The following CCDC6 variants were observed in gnomAD, a reference collection of about 807,000 sequenced individuals.
CCDC6 encodes coiled-coil domain containing 6, also known as coiled-coil domain-containing protein 6.
In CCDC6, 20 loss-of-function variants were observed where a neutral mutation model predicts 56.6. The observed-to-expected ratio is 0.35, with a 90% CI of 0.25 to 0.51. The LOEUF (loss-of-function observed/expected upper bound fraction) is 0.51. CCDC6 is among the 20% of genes least tolerant of loss of function. CCDC6 has a pLI of 0.95. For missense variants in CCDC6, 367 were observed against 601.1 expected, an observed-to-expected ratio of 0.61 and a Z score of 4.07; for synonymous variants, 241 against 234.4, an observed-to-expected ratio of 1.03 and a Z score of -0.26.
chr10:59,906,283 C>T lies in CCDC6; in HGVS notation c.142G>A (p.Gly48Ser), dbSNP rs540106812. 77 of 1,608,878 alleles carry T rather than the reference C, an allele frequency of 4.8e-5. 1 individual carries two copies. In the South Asian group the frequency reaches 7.7e-4, roughly 16 times the overall value. Reference sequence around the variant, plus strand: ...AGGCGGAACGGCGAGATGACAATGCCCCCCGACTTCCCACCGCCGCCGCCT... The same window carrying T: ...AGGCGGAACGGCGAGATGACAATGCTCCCCGACTTCCCACCGCCGCCGCCT... ...GGGGGGGKSG[G>S]IVISPFRLEE... Residue 48 changes from glycine (G) to serine (S), a missense_variant, in exon 1 of 9, where the codon GGC becomes AGC. Gly to Ser is a moderately conservative substitution (Grantham distance 56). Transcript: ENST00000263102.
At chr10:59,881,621 A>G (rs1052271998) in intron 1 of CCDC6, among the ~76,000 whole-genome samples, 2 of 152,212 alleles carry the variant, frequency 1.3e-5, no homozygotes, top group African/African-American at 4.8e-5. Flanking sequence ...CCAGAGGAGA[A>G]AAAAAGTCCA....
chr10:59,850,360 C>CATG (rs1554885229), intron 2 of CCDC6, among the ~76,000 whole-genome samples: 2 of 151,528 alleles, frequency 1.3e-5, no homozygotes, highest in African/African-American at 2.4e-5. Flanking sequence ...TAAAATTTAC[C>CATG]ACATTAAAAT....
chr10:59,882,999 G>A (rs1390935682), intron 1 of CCDC6, among the ~76,000 whole-genome samples: 1 of 151,480 alleles, frequency 6.6e-6, no homozygotes, highest in East Asian at 1.9e-4. Flanking sequence ...GGGTGTAAGG[G>A]TGTTTACCGT....
Position 59,794,528 on chromosome 10 carries a change from T to C in CCDC6, c.1175A>G (p.Tyr392Cys), listed in dbSNP as rs1446701181. The part of the protein sequence containing the change: ...PTSLTRAGMS[Y>C]YNSPGLHVQH... ...CACGTGAAGACCCGGGGAATTGTAATAAGACATTCCAGCTCTAGTCAGTGA... is the reference window on the plus strand; with the variant it reads ...CACGTGAAGACCCGGGGAATTGTAACAAGACATTCCAGCTCTAGTCAGTGA... Residue 392 changes from tyrosine to cysteine, a missense_variant, in exon 8 of 9, where the codon TAT becomes TGT. Tyr to Cys is a radical substitution (Grantham distance 194). Coordinates refer to ENST00000263102, the MANE Select transcript of CCDC6 (RefSeq NM_005436.5). The C allele has an allele frequency of 1.2e-6, 2 of 1,613,940 alleles. No individual in the cohort carries two copies. The highest frequency in any genetic ancestry group is 8.5e-7 in the Non-Finnish European group (1 of 1,179,924).
chr10:59,824,261 C>T (rs571537427), intron 3 of CCDC6, among the ~76,000 whole-genome samples: 1 of 152,276 alleles, frequency 6.6e-6, no homozygotes, highest in South Asian at 2.1e-4. Flanking sequence ...TCTATTTTCA[C>T]AGGTCTGGAG....
At chr10:59,881,719 T>C (rs1407850360) in intron 1 of CCDC6, among the ~76,000 whole-genome samples, 1 of 152,218 alleles carries the variant, frequency 6.6e-6, no homozygotes, top group Non-Finnish European at 1.5e-5. Flanking sequence ...ACATCCTGGC[T>C]GCCTAAGCAG....
rs895364091 is a variant in CCDC6 at position 59,906,388 on chromosome 10, C to T, written c.37G>A (p.Ala13Thr). Residue 13 changes from alanine to threonine, a missense_variant, in exon 1 of 9, where the codon GCG becomes ACG. Ala to Thr is a moderately conservative substitution (Grantham distance 58). Transcript: ENST00000263102. ...GCCGAGCTGCTGCTGTTGCCCCCCG[C>T]CCCGTCCGTGTCGCTCTCGCTGGCG... is the stretch of plus-strand genomic sequence containing the variant. ...DSASESDTDG[A>T]GGNSSSSAAM... 1.9e-6 allele frequency: 3 copies of T among 1,585,810 alleles called. No homozygotes were observed. Among genetic ancestry groups the T allele is most frequent in the Admixed American group, 1.7e-5 (1 of 58,926 alleles).
At position 59,906,323 on chromosome 10, in the gene CCDC6, G is replaced by C. The variant is rs758353540; in HGVS notation, c.102C>G (p.Gly34=). The change falls in exon 1 of 9, where the codon GGC becomes GGG. Residue 34 remains glycine, a synonymous_variant. Transcript: ENST00000263102. ...CGCCGCCGCCTCCCCCGCCGCCACCGCCGCCGCCCGAGGTCGACGAGCAGG... is the reference window on the plus strand; with the variant it reads ...CGCCGCCGCCTCCCCCGCCGCCACCCCCGCCGCCCGAGGTCGACGAGCAGG... ...QSSCSSTSGG[G]GGGGGGGGGG... 6.2e-7 allele frequency: 1 copy of C among 1,600,542 alleles called. No homozygotes were observed. The highest frequency in any genetic ancestry group is 1.3e-5 in the African/African-American group (1 of 74,920).
chr10:59,791,975 G>T lies in CCDC6; in HGVS notation c.*942C>A, dbSNP rs2070471534. 1 of 220,970 alleles carries T rather than the reference G, an allele frequency of 4.5e-6. No individual in the cohort carries two copies. Among genetic ancestry groups the T allele is most frequent in the African/African-American group, 2.2e-5 (1 of 44,660 alleles). 13.7% of individuals were successfully genotyped at this position (220,970 alleles called of 1,614,324 possible). On this transcript the variant is annotated 3_prime_UTR_variant, in exon 9 of 9. Coordinates refer to ENST00000263102, the MANE Select transcript of CCDC6 (RefSeq NM_005436.5). ...AATGCGATAATGTCCATTTCAAATA[G>T]TATTTTCTAATGGTATTTTGCACCT...
At chr10:59,875,778 C>A (rs1246847381) in intron 1 of CCDC6, among the ~76,000 whole-genome samples, 3 of 152,140 alleles carry the variant, frequency 2.0e-5, no homozygotes, top group African/African-American at 7.2e-5. Flanking sequence ...AAGACAGAGA[C>A]CTCTGTATGC....
chr10:59,845,972 CA>C (rs2070987781), intron 2 of CCDC6, among the ~76,000 whole-genome samples: 1 of 152,166 alleles, frequency 6.6e-6, no homozygotes, highest in Non-Finnish European at 1.5e-5. Flanking sequence ...TTGCTCCTTG[CA>C]TAAACAAAAT....
chr10:59,880,627 CAT>C (rs1467935346), intron 1 of CCDC6, among the ~76,000 whole-genome samples: 1 of 151,994 alleles, frequency 6.6e-6, no homozygotes, highest in Non-Finnish European at 1.5e-5. Context: ...GTACACTTAC[CAT>C]ATGTGTATAA....
chr10:59,855,955 T>C (rs1189268926), intron 1 of CCDC6, among the ~76,000 whole-genome samples: 1 of 152,162 alleles, frequency 6.6e-6, no homozygotes, highest in Non-Finnish European at 1.5e-5. Context: ...GCAAACAAAA[T>C]TATTCACTGG....
chr10:59,838,654 C>A (rs1375918519), intron 2 of CCDC6, among the ~76,000 whole-genome samples: 3 of 152,156 alleles, frequency 2.0e-5, no homozygotes, highest in Non-Finnish European at 2.9e-5. Context: ...AGCTCATGTC[C>A]TTTTCTGACT....
At chr10:59,800,356 CTATAA>C (rs1335365431) in intron 7 of CCDC6, among the ~76,000 whole-genome samples, 1 of 152,174 alleles carries the variant, frequency 6.6e-6, no homozygotes, top group Admixed American at 6.5e-5. Context: ...GATCTGTTCT[CTATAA>C]TTTTGTCACT....
At chr10:59,846,292 G>A (rs1435979341) in intron 2 of CCDC6, among the ~76,000 whole-genome samples, 1 of 152,200 alleles carries the variant, frequency 6.6e-6, no homozygotes, top group Admixed American at 6.5e-5. Context: ...CAGATCTGGA[G>A]ACCTAGAAAT....
intron 1 of CCDC6, among the ~76,000 whole-genome samples, chr10:59,897,982 C>G (rs1168474334): frequency 6.6e-6 from 1 of 152,158 alleles, no homozygotes; most frequent in East Asian, 1.9e-4. Context: ...CACCTGGCAC[C>G]ACAAGGCTGG....
chr10:59,846,413 GT>G (rs2070991963), intron 2 of CCDC6, among the ~76,000 whole-genome samples: 1 of 152,180 alleles, frequency 6.6e-6, no homozygotes, highest in Admixed American at 6.5e-5. Context: ...AGTTTCAGCA[GT>G]TTTGCCCACA....
intron 2 of CCDC6, among the ~76,000 whole-genome samples, chr10:59,841,161 A>AC (rs2070935048): frequency 6.6e-6 from 1 of 152,148 alleles, no homozygotes; most frequent in Non-Finnish European, 1.5e-5. Context: ...CGTCAATCTA[A>AC]CCACACCAGT....
Sources: allele counts gnomAD v4.1 joint callset (sites outside exome capture counted in the v4.1 genomes callset), GRCh38; gene constraint gnomAD v4.1.1; transcripts MANE v1.5; gene names NCBI Gene and HGNC (gene_info 2026-07-23, HGNC 2026-07-21).